PPM1L: variants seen among roughly 807,000 people sequenced by gnomAD.
The protein encoded by PPM1L is protein phosphatase 1L.
In PPM1L, 13 loss-of-function variants were observed where a neutral mutation model predicts 31.4. The observed-to-expected ratio is 0.41, with a 90% CI of 0.27 to 0.66. The LOEUF (loss-of-function observed/expected upper bound fraction) is 0.66. Among genes scored for constraint, PPM1L ranks in the 30% least tolerant of loss-of-function variants. PPM1L has a pLI of 0.29. For missense variants in PPM1L, 326 were observed against 453.7 expected, an observed-to-expected ratio of 0.72 and a Z score of 2.56; for synonymous variants, 184 against 175.4, an observed-to-expected ratio of 1.05 and a Z score of -0.39.
At chr3:160,987,421 A>C (rs959253436) in intron 2 of PPM1L, among the ~76,000 whole-genome samples, 19 of 152,192 alleles carry the variant, frequency 1.2e-4, no homozygotes, top group African/African-American at 4.6e-4. Flanking sequence ...CTATACGTGA[A>C]AATAATGGCA....
chr3:161,008,308 AT>A (rs1188468355), intron 2 of PPM1L, among the ~76,000 whole-genome samples: 1 of 152,214 alleles, frequency 6.6e-6, no homozygotes, highest in African/African-American at 2.4e-5. Flanking sequence ...GCCAAGAAAA[AT>A]CTGAACAGAC....
chr3:160,957,008 C>T (rs1715796777), intron 1 of PPM1L, among the ~76,000 whole-genome samples: 1 of 152,180 alleles, frequency 6.6e-6, no homozygotes, highest in African/African-American at 2.4e-5. Context: ...AGTACCTATA[C>T]CTGTACAAAT....
In PPM1L at chr3:160,858,333, G is replaced by A. The variant is rs368579682; in HGVS notation, c.399+101626G>A. ...ATGGTCTTGGCTCACTGCAAGAACCGCCTCCCAGATTCAATTGATTCTCCT... is the reference window on the plus strand; with the variant it reads ...ATGGTCTTGGCTCACTGCAAGAACCACCTCCCAGATTCAATTGATTCTCCT... On this transcript the variant is annotated intron_variant, in intron 1 of 3. Coordinates refer to ENST00000498165, the MANE Select transcript of PPM1L (RefSeq NM_139245.4). 2.6e-5 allele frequency among the ~76,000 whole-genome samples: 4 copies of A among 151,720 alleles called. No homozygotes were observed. In the East Asian group the frequency reaches 7.7e-4, roughly 29 times the overall value.
At chr3:160,798,200 AC>A (rs111816104) in intron 1 of PPM1L, among the ~76,000 whole-genome samples, 17,623 of 150,498 alleles carry the variant, frequency 0.12, 1,738 homozygotes, top group African/African-American at 0.28. Flanking sequence ...AAACAAACAA[AC>A]AAAAATGCCA....
chr3:160,910,250 C>T (rs1305560288), intron 1 of PPM1L, among the ~76,000 whole-genome samples: 1 of 51,166 alleles, frequency 2.0e-5, no homozygotes, highest in Non-Finnish European at 4.4e-5. Context: ...CTTTCCTTTC[C>T]CCTTCCCCTT....
chr3:160,893,706 C>T (rs1349706521), intron 1 of PPM1L, among the ~76,000 whole-genome samples: 1 of 152,106 alleles, frequency 6.6e-6, no homozygotes, highest in Non-Finnish European at 1.5e-5. Flanking sequence ...ACTTGAAGGC[C>T]ATTTTAGCTG....
chr3:161,034,690 C>T (rs1444608961), intron 2 of PPM1L, among the ~76,000 whole-genome samples: 1 of 116,760 alleles, frequency 8.6e-6, no homozygotes, highest in African/African-American at 3.3e-5. Context: ...TGGGGCCTGT[C>T]GGGGGGGTGG....
In PPM1L at chr3:160,970,787, ATTTTTTT is replaced by A. The variant is rs71628437; in HGVS notation, c.574+8893_574+8899del. 3.1e-5 allele frequency among the ~76,000 whole-genome samples: 3 copies of A among 97,190 alleles called. 1 individual carries two copies. The highest frequency in any genetic ancestry group is 4.5e-5 in the African/African-American group (1 of 22,378). 63.8% of individuals were successfully genotyped at this position (97,190 alleles called of 152,430 possible). A position where few individuals can be genotyped will look rare whatever the true frequency, so the allele number is the denominator to read the frequency against. On this transcript the variant is annotated intron_variant, in intron 2 of 3. Coordinates refer to ENST00000498165, the MANE Select transcript of PPM1L (RefSeq NM_139245.4). ...CAAGCTGATTTTAATTTCAGTTATA[ATTTTTTT>A]TTTTTTTTTTTTTTTGAGACGGAGT...
intron 3 of PPM1L, among the ~76,000 whole-genome samples, chr3:161,066,706 G>A (rs190155732): frequency 2.8e-4 from 42 of 152,304 alleles, no homozygotes; most frequent in African/African-American, 9.4e-4. Context: ...GGGAGCAAGC[G>A]GGGTGCTCAT....
intron 1 of PPM1L, among the ~76,000 whole-genome samples, chr3:160,835,041 T>TTCTTCTTCC (rs1219530797): frequency 8.1e-6 from 1 of 124,018 alleles, no homozygotes; most frequent in African/African-American, 2.9e-5. Context: ...CTACTACTAC[T>TTCTTCTTCC]TCTTCTTCTT....
intron 2 of PPM1L, among the ~76,000 whole-genome samples, chr3:160,964,612 T>C (rs1716073603): frequency 6.6e-6 from 1 of 152,022 alleles, no homozygotes; most frequent in Admixed American, 6.6e-5. Flanking sequence ...TAACTTAGTC[T>C]TTTCGTGGCA....
chr3:160,916,355 A>G (rs1187324692), intron 1 of PPM1L, among the ~76,000 whole-genome samples: 1 of 152,160 alleles, frequency 6.6e-6, no homozygotes, highest in Admixed American at 6.5e-5. Flanking sequence ...CAAAACCACA[A>G]TAAGAAGGAG....
intron 1 of PPM1L, among the ~76,000 whole-genome samples, chr3:160,901,083 C>G (rs1374102456): frequency 1.3e-5 from 2 of 152,258 alleles, no homozygotes; most frequent in South Asian, 2.1e-4. Context: ...CGTTCCTCAA[C>G]TCTCTTTTCT....
Position 160,961,818 on chromosome 3 carries a change from G to T in PPM1L, c.482G>T (p.Ser161Ile), listed in dbSNP as rs769904769. 1 of 1,601,356 alleles carries T rather than the reference G, an allele frequency of 6.2e-7. No individual in the cohort carries two copies. Among genetic ancestry groups the T allele is most frequent in the Non-Finnish European group, 8.5e-7 (1 of 1,174,442 alleles). The change falls in exon 2 of 4, where the codon AGT (serine) becomes ATT (isoleucine). Residue 161 changes from serine to isoleucine, a missense_variant. Physicochemically the swap from Ser to Ile is moderately radical, Grantham distance 142 (BLOSUM62 -2). Transcript: ENST00000498165. ...LQDYEKDKEN[S>I]VLSYQTILEQ... ...GACTACGAGAAAGACAAAGAAAATA[G>T]TGTATTATCTTACCAGACCATCCTT...
chr3:160,993,175 T>C (rs1383261504), intron 2 of PPM1L, among the ~76,000 whole-genome samples: 2 of 152,168 alleles, frequency 1.3e-5, no homozygotes, highest in Non-Finnish European at 1.5e-5. Flanking sequence ...GCTGATATTA[T>C]ATGCTAATAA....
Position 160,897,103 on chromosome 3 carries a change from T to C in PPM1L, c.400-64633T>C, listed in dbSNP as rs376910778. Among the ~76,000 whole-genome samples the C allele has an allele frequency of 8.5e-4, 125 of 147,728 alleles. 1 individual carries two copies. In the South Asian group the frequency reaches 9.8e-3, roughly 12 times the overall value. ...CTTTCACCAGGCTGGAGTGCAGTGG[T>C]GTGATCTTGGCTCACTGCAACCTCC... On this transcript the variant is annotated intron_variant, in intron 1 of 3. Transcript: ENST00000498165.
chr3:160,825,486 G>A (rs535459364), intron 1 of PPM1L, among the ~76,000 whole-genome samples: 36 of 152,186 alleles, frequency 2.4e-4, no homozygotes, highest in African/African-American at 7.0e-4. Context: ...AATGCCAAGT[G>A]CTCCCATGCA....
At chr3:160,988,113 G>A (rs1482351276) in intron 2 of PPM1L, among the ~76,000 whole-genome samples, 1 of 152,152 alleles carries the variant, frequency 6.6e-6, no homozygotes, top group Admixed American at 6.5e-5. Flanking sequence ...GGGGAACCTG[G>A]GCAAGAGAGG....
rs184874469 is a variant in PPM1L, at chr3:160,807,972, T to C, written c.399+51265T>C. On this transcript the variant is annotated intron_variant, in intron 1 of 3. Transcript: ENST00000498165. ...ATAATATCAATCATGTGATCTGTTT[T>C]CTGGGAGAGTGTTATGACGAGGATT... is the stretch of plus-strand genomic sequence containing the variant. 7.7e-3 allele frequency among the ~76,000 whole-genome samples: 1,175 copies of C among 152,318 alleles called. 4 individuals carry two copies. Among genetic ancestry groups the C allele is most frequent in the Middle Eastern group, 0.027 (8 of 294 alleles).
Sources: gnomAD v4.1 joint callset for allele counts (sites outside exome capture counted in the v4.1 genomes callset) on GRCh38, gnomAD v4.1.1 for gene constraint, MANE v1.5 for transcripts, NCBI Gene and HGNC (gene_info 2026-07-23, HGNC 2026-07-21) for gene names.